The following RICTOR variants were observed in gnomAD, a reference collection of about 807,000 sequenced individuals.
The protein encoded by RICTOR is RPTOR independent companion of MTOR complex 2.
A neutral mutation model predicts 214.9 loss-of-function variants in RICTOR; 49 were observed. The ratio of observed to expected loss-of-function variants is 0.23; its 90% CI spans 0.18 to 0.29. RICTOR has a LOEUF of 0.29. RICTOR is among the 10% of genes least tolerant of loss of function. The probability of loss-of-function intolerance (pLI) is 1.00; values close to 1 mark genes in which losing one functional copy is unlikely to be tolerated. For synonymous variants in RICTOR, 717 were observed against 711.3 expected, an observed-to-expected ratio of 1.01 and a Z score of -0.13; for missense variants, 1,625 against 2,047.0, an observed-to-expected ratio of 0.79 and a Z score of 3.98.
intron 7 of RICTOR, among the ~76,000 whole-genome samples, chr5:38,984,899 A>G (rs1213634756): frequency 6.6e-6 from 1 of 152,160 alleles, no homozygotes; most frequent in African/African-American, 2.4e-5. Context: ...GGCTCACTGC[A>G]ACCTCCGCCT....
At chr5:39,051,285 T>C (rs75077750) in intron 2 of RICTOR, among the ~76,000 whole-genome samples, 5,030 of 152,320 alleles carry the variant, frequency 0.033, 136 homozygotes, top group South Asian at 0.082. Context: ...AGAGTTTTCA[T>C]CTAAGCATTT....
chr5:38,972,085 C>G, intron 10 of RICTOR, 126 bp from the exon 11 acceptor site: 1 of 551,450 alleles, frequency 1.8e-6, no homozygotes, highest in Non-Finnish European at 3.2e-6. Flanking sequence ...ACTATTTGGT[C>G]ATCATAAGAA....
At chr5:39,026,881 C>T (rs1280080658) in intron 2 of RICTOR, among the ~76,000 whole-genome samples, 3 of 151,750 alleles carry the variant, frequency 2.0e-5, no homozygotes, top group Non-Finnish European at 4.4e-5. Flanking sequence ...GTCACGCATG[C>T]CTGTTAATCC....
At chr5:39,006,269 T>A (rs1339618543) in intron 3 of RICTOR, among the ~76,000 whole-genome samples, 1 of 152,214 alleles carries the variant, frequency 6.6e-6, no homozygotes, top group African/African-American at 2.4e-5. Context: ...TCAAACAGGT[T>A]TTCCTAGTTT....
At chr5:38,965,510 G>C (rs1232217484) in intron 15 of RICTOR, among the ~76,000 whole-genome samples, 2 of 151,844 alleles carry the variant, frequency 1.3e-5, no homozygotes, top group South Asian at 2.1e-4. Context: ...TAGAATTCTA[G>C]GTATGGGACA....
chr5:38,967,146 G>A lies in RICTOR; in HGVS notation c.1218+15C>T, dbSNP rs754481099. 14 of 1,554,526 alleles carry A rather than the reference G, an allele frequency of 9.0e-6. No homozygotes were observed. The highest frequency in any genetic ancestry group is 2.2e-5 in the South Asian group (2 of 89,732). ...AATAAACAAAATGGAATAAAATAAG[G>A]TTTATAAGTCTTACCTCTAAAAGTC... On this transcript the variant is annotated intron_variant, in intron 14 of 37. Coordinates refer to ENST00000357387, the MANE Select transcript of RICTOR (RefSeq NM_152756.5).
At chr5:39,029,066 C>T (rs1195544275) in intron 2 of RICTOR, among the ~76,000 whole-genome samples, 1 of 151,854 alleles carries the variant, frequency 6.6e-6, no homozygotes, top group African/African-American at 2.4e-5. Context: ...TGATAGAAAT[C>T]AGATAGTGAT....
At chr5:39,054,460 A>C (rs1758071938) in intron 2 of RICTOR, among the ~76,000 whole-genome samples, 1 of 152,224 alleles carries the variant, frequency 6.6e-6, no homozygotes, top group African/African-American at 2.4e-5. Context: ...CACTAACTTC[A>C]CTCATTCTGC....
chr5:39,029,836 T>C (rs2150149148), intron 2 of RICTOR, among the ~76,000 whole-genome samples: 1 of 152,278 alleles, frequency 6.6e-6, no homozygotes, highest in Middle Eastern at 3.4e-3. Flanking sequence ...AGCTACTCAA[T>C]AAATAATGAC....
At chr5:39,028,269 G>A (rs1194414711) in intron 2 of RICTOR, among the ~76,000 whole-genome samples, 4 of 129,330 alleles carry the variant, frequency 3.1e-5, no homozygotes, top group South Asian at 2.7e-4. Flanking sequence ...TGCAAGCTCC[G>A]CCTCACGGGT....
intron 6 of RICTOR, among the ~76,000 whole-genome samples, chr5:38,991,443 T>C (rs1404955835): frequency 2.6e-5 from 4 of 152,092 alleles, no homozygotes; most frequent in Admixed American, 1.3e-4. Context: ...TACTGTACTT[T>C]TACGATCCTG....
At chr5:38,977,303 T>C (rs1368949622) in intron 9 of RICTOR, among the ~76,000 whole-genome samples, 2 of 152,234 alleles carry the variant, frequency 1.3e-5, no homozygotes, top group Admixed American at 6.5e-5. Flanking sequence ...ACTTCTGACC[T>C]ATCAAACTGT....
At chr5:39,032,118 A>T (rs1450803058) in intron 2 of RICTOR, among the ~76,000 whole-genome samples, 1 of 152,202 alleles carries the variant, frequency 6.6e-6, no homozygotes, top group African/African-American at 2.4e-5. Context: ...ATGCAGAGGA[A>T]GTCAAAATTT....
chr5:38,954,955 T>C, intron 26 of RICTOR, 94 bp from the exon 27 acceptor site: 1 of 589,824 alleles, frequency 1.7e-6, no homozygotes, highest in South Asian at 2.2e-5. Context: ...TAAATAAAAT[T>C]AGATACAACT....
At chr5:38,963,661 T>C (rs1579930574) in intron 16 of RICTOR, among the ~76,000 whole-genome samples, 1 of 152,090 alleles carries the variant, frequency 6.6e-6, no homozygotes, top group Middle Eastern at 3.4e-3. Context: ...CAAGTATTTA[T>C]CAATAAAGAA....
rs1748681322 is a variant in RICTOR at position 38,950,633 on chromosome 5, A to G, written c.3215T>C (p.Phe1072Ser). ...CTTTATGGGTCCAGATCGGTCATAA[A>G]ATGTTGGCTCTGTATCTTCATTGAT... ...LDINEDTEPT[F>S]YDRSGPIKDK... Residue 1072 changes from phenylalanine to serine, a missense_variant, in exon 31 of 38, where the codon TTT becomes TCT. By Grantham distance (155) the Phe-to-Ser change is radical. Transcript: ENST00000357387. 2 of 1,612,950 alleles carry G rather than the reference A, an allele frequency of 1.2e-6. No homozygotes were observed. Among genetic ancestry groups the G allele is most frequent in the Non-Finnish European group, 1.7e-6 (2 of 1,179,284 alleles).
intron 2 of RICTOR, among the ~76,000 whole-genome samples, chr5:39,054,765 T>A (rs1367262256): frequency 2.0e-5 from 3 of 152,238 alleles, no homozygotes; most frequent in African/African-American, 7.2e-5. Flanking sequence ...TGTTATATAC[T>A]CATTAAATAC....
chr5:39,059,882 A>G lies in RICTOR; in HGVS notation c.97+14229T>C, dbSNP rs141001948. 6.6e-5 allele frequency among the ~76,000 whole-genome samples: 10 copies of G among 152,248 alleles called. No individual in the cohort carries two copies. The East Asian group carries it at 9.6e-4, about 15-fold the overall frequency. ...TACAAACATTTCCTTCAATCCTCAA[A>G]TAAGTGTTATCTCAAAAGGAGATGA... On this transcript the variant is annotated intron_variant, in intron 2 of 37. Coordinates refer to ENST00000357387, the MANE Select transcript of RICTOR (RefSeq NM_152756.5).
intron 2 of RICTOR, among the ~76,000 whole-genome samples, chr5:39,037,850 C>T (rs1030464371): frequency 6.6e-6 from 1 of 152,110 alleles, no homozygotes; most frequent in Non-Finnish European, 1.5e-5. Context: ...CAAAAAAAGT[C>T]CAGGACCAGA....
Sources: allele counts gnomAD v4.1 joint callset (sites outside exome capture counted in the v4.1 genomes callset), GRCh38; gene constraint gnomAD v4.1.1; transcripts MANE v1.5; gene names NCBI Gene and HGNC (gene_info 2026-07-23, HGNC 2026-07-21).